Variants in MGAT3 observed in about 807,000 individuals in gnomAD.
MGAT3 encodes the protein GlcNAc-T III.
In MGAT3, 9 loss-of-function variants were observed where a neutral mutation model predicts 29.8. The ratio of observed to expected loss-of-function variants is 0.30; its 90% confidence interval spans 0.18 to 0.53. The LOEUF (loss-of-function observed/expected upper bound fraction) is 0.53. Ranked by LOEUF, MGAT3 falls within the 20% of genes least tolerant of loss-of-function variation. The pLI is 0.96. For missense variants in MGAT3, 557 were observed against 769.5 expected, an observed-to-expected ratio of 0.72 and a Z score of 3.27; for synonymous variants, 397 against 348.9, an observed-to-expected ratio of 1.14 and a Z score of -1.54.
At chr22:39,478,692 C>A (rs755408623) in intron 1 of MGAT3, among the ~76,000 whole-genome samples, 6 of 152,190 alleles carry the variant, frequency 3.9e-5, no homozygotes, top group Non-Finnish European at 7.4e-5. Flanking sequence ...ACCTGCCTGG[C>A]CAGCTCCCAC....
At chr22:39,470,118 G>A (rs570618844) in intron 1 of MGAT3, among the ~76,000 whole-genome samples, 1 of 152,346 alleles carries the variant, frequency 6.6e-6, no homozygotes, top group South Asian at 2.1e-4. Context: ...ACCGAGGCCT[G>A]TGGTGACCCT....
Position 39,488,459 on chromosome 22 carries a change from A to G in MGAT3, c.1112A>G (p.Gln371Arg). The change falls in exon 2 of 2, where the codon CAG (glutamine) becomes CGG (arginine). Residue 371 changes from glutamine (Q) to arginine (R), a missense_variant. Transcript: ENST00000341184. ...TCAGGCTGCACGGTGGACATGCTGC[A>G]GGCAGTGTATGGGCTGGACGGCATC... is the stretch of plus-strand genomic sequence containing the variant. ...VVSGCTVDML[Q>R]AVYGLDGIRL... 6.2e-7 allele frequency: 1 copy of G among 1,612,948 alleles called. No homozygotes were observed. The highest frequency in any genetic ancestry group is 8.5e-7 in the Non-Finnish European group (1 of 1,180,004).
chr22:39,463,406 G>A (rs1357148190), intron 1 of MGAT3, among the ~76,000 whole-genome samples: 1 of 152,114 alleles, frequency 6.6e-6, no homozygotes, highest in African/African-American at 2.4e-5. Context: ...TCCCAGCAGG[G>A]CCTGTTCCCT....
chr22:39,472,307 C>T (rs1438663842), intron 1 of MGAT3, among the ~76,000 whole-genome samples: 1 of 152,212 alleles, frequency 6.6e-6, no homozygotes, highest in Non-Finnish European at 1.5e-5. Flanking sequence ...GACCCCCGCC[C>T]TGTCCCTGCC....
chr22:39,490,698 C>T lies in MGAT3; in HGVS notation c.*1749C>T, dbSNP rs1601733323. On this transcript the variant is annotated 3_prime_UTR_variant, in exon 2 of 2. Transcript: ENST00000341184. Reference sequence around the variant, plus strand: ...TGCAGAGTTGGCCTGTGGAATGGCTCATGTTTGTGCGTGTGTGTGTGTATA... The same window carrying T: ...TGCAGAGTTGGCCTGTGGAATGGCTTATGTTTGTGCGTGTGTGTGTGTATA... The T allele has an allele frequency of 6.0e-6, 1 of 167,096 alleles. No individual in the cohort carries two copies. Among genetic ancestry groups the T allele is most frequent in the African/African-American group, 2.4e-5 (1 of 41,380 alleles). 10.4% of individuals were successfully genotyped at this position (167,096 alleles called of 1,614,324 possible). A position where few individuals can be genotyped will look rare whatever the true frequency, so the allele number is the denominator to read the frequency against.
At chr22:39,470,747 A>C (rs1045697525) in intron 1 of MGAT3, among the ~76,000 whole-genome samples, 3 of 151,802 alleles carry the variant, frequency 2.0e-5, no homozygotes, top group Admixed American at 1.3e-4. Flanking sequence ...CTGTGTCAAG[A>C]CTCTGGATGT....
rs184435681 is a variant in MGAT3, at chr22:39,472,262, C to T, written c.-2+14705C>T. 2.8e-4 allele frequency among the ~76,000 whole-genome samples: 43 copies of T among 152,288 alleles called. 1 individual carries two copies. In the East Asian group the frequency reaches 8.3e-3, roughly 29 times the overall value. ...CAAAAGGCTATGGACTCCTGAGCCC[C>T]CTTGCAGGAGAGGCAGTGTGGGTTC... On this transcript the variant is annotated intron_variant, in intron 1 of 1. Transcript: ENST00000341184.
intron 1 of MGAT3, among the ~76,000 whole-genome samples, chr22:39,467,519 G>A (rs1198794834): frequency 1.3e-5 from 2 of 152,164 alleles, no homozygotes; most frequent in Non-Finnish European, 2.9e-5. Context: ...GAAGGTAGGA[G>A]TGGGCAGGAG....
chr22:39,458,678 G>C (rs530983335), intron 1 of MGAT3, among the ~76,000 whole-genome samples: 1 of 152,310 alleles, frequency 6.6e-6, no homozygotes, highest in Admixed American at 6.5e-5. Flanking sequence ...AGAGGTTACT[G>C]GAAGAGATGA....
chr22:39,475,799 A>G (rs1928942111), intron 1 of MGAT3: 1 of 152,222 alleles, frequency 6.6e-6, no homozygotes, highest in South Asian at 2.1e-4. Context: ...GAACCACTAG[A>G]GCATGCAGCT....
chr22:39,478,313 G>T (rs1929027056), intron 1 of MGAT3, among the ~76,000 whole-genome samples: 2 of 152,228 alleles, frequency 1.3e-5, no homozygotes, highest in Admixed American at 1.3e-4. Flanking sequence ...GACATTACAG[G>T]GATGCCCTGA....
Position 39,485,256 on chromosome 22 carries a change from A to G in MGAT3, c.-1-2091A>G, listed in dbSNP as rs118090515. Reference sequence around the variant, plus strand: ...TCGCCTGCCCACCTGCCTAGACTCAAGGGTGAAATGAGCTGGATGGCTACG... The same window carrying G: ...TCGCCTGCCCACCTGCCTAGACTCAGGGGTGAAATGAGCTGGATGGCTACG... On this transcript the variant is annotated intron_variant, in intron 1 of 1. Coordinates refer to ENST00000341184, the MANE Select transcript of MGAT3 (RefSeq NM_002409.5). 4.6e-4 allele frequency among the ~76,000 whole-genome samples: 70 copies of G among 152,256 alleles called. No individual in the cohort carries two copies. In the East Asian group the frequency reaches 0.011, roughly 25 times the overall value.
intron 1 of MGAT3, among the ~76,000 whole-genome samples, chr22:39,468,746 T>C (rs2145714112): frequency 6.6e-6 from 1 of 152,060 alleles, no homozygotes; most frequent in South Asian, 2.1e-4. Flanking sequence ...TGTGTGGGGC[T>C]CAGTGCTTGA....
Position 39,487,280 on chromosome 22 carries a change from A to T in MGAT3, c.-1-67A>T. 1 of 1,513,130 alleles carries T rather than the reference A, an allele frequency of 6.6e-7. No homozygotes were observed. Among genetic ancestry groups the T allele is most frequent in the Non-Finnish European group, 8.9e-7 (1 of 1,124,290 alleles). The allele number at this position is 1,513,130 out of a possible 1,614,324, so 93.7% of individuals were successfully genotyped here. A position where few individuals can be genotyped will look rare whatever the true frequency, so the allele number is the denominator to read the frequency against. On this transcript the variant is annotated intron_variant, in intron 1 of 1. Transcript: ENST00000341184. This position sits in a 1 kb window ranked among gnomAD's most constrained non-coding sequence, Gnocchi z 5.7. ...AGCAAGGTGGCAGCAGAGGCCTCCTAGGTCCCCTTCCTAGGAAAGGAGCCT... is the reference window on the plus strand; with the variant it reads ...AGCAAGGTGGCAGCAGAGGCCTCCTTGGTCCCCTTCCTAGGAAAGGAGCCT...
Position 39,489,232 on chromosome 22 carries a change from G to A in MGAT3, c.*283G>A, listed in dbSNP as rs1055324683. On this transcript the variant is annotated 3_prime_UTR_variant, in exon 2 of 2. Coordinates refer to ENST00000341184, the MANE Select transcript of MGAT3 (RefSeq NM_002409.5). ...GCCAGGAGGTGCCACTGGAGTGTGC[G>A]TGGTGGTCCCTGGGTAGCGGGGGAG... is the stretch of plus-strand genomic sequence containing the variant. 1.5e-5 allele frequency: 8 copies of A among 520,478 alleles called. No individual in the cohort carries two copies. Among genetic ancestry groups the A allele is most frequent in the East Asian group, 3.3e-5 (1 of 29,908 alleles). The allele number at this position is 520,478 out of a possible 1,614,324, so 32.2% of individuals were successfully genotyped here.
At chr22:39,481,118 C>G (rs1929114067) in intron 1 of MGAT3, among the ~76,000 whole-genome samples, 1 of 152,244 alleles carries the variant, frequency 6.6e-6, no homozygotes, top group African/African-American at 2.4e-5. Flanking sequence ...TGGGTTTGTT[C>G]CCTGCCCCCC....
intron 1 of MGAT3, among the ~76,000 whole-genome samples, chr22:39,458,563 C>T (rs913277927): frequency 1.3e-5 from 2 of 152,134 alleles, no homozygotes; most frequent in African/African-American, 4.8e-5. Context: ...CCCCCACCCC[C>T]AGGAGCTGCA....
chr22:39,484,321 A>G (rs532504009), intron 1 of MGAT3, among the ~76,000 whole-genome samples: 19 of 152,306 alleles, frequency 1.2e-4, no homozygotes, highest in African/African-American at 4.6e-4. Flanking sequence ...CCCATTTCAC[A>G]GATGGAGAAA....
intron 1 of MGAT3, among the ~76,000 whole-genome samples, chr22:39,483,872 G>A (rs569241141): frequency 2.0e-5 from 3 of 152,330 alleles, no homozygotes; most frequent in East Asian, 3.9e-4. Flanking sequence ...CTACCTGCCC[G>A]CAGTCAGCTG....
Sources: allele counts gnomAD v4.1 joint callset (sites outside exome capture counted in the v4.1 genomes callset), GRCh38; gene constraint gnomAD v4.1.1; non-coding constraint Gnocchi (gnomAD v3.1); transcripts MANE v1.5; gene names NCBI Gene and HGNC (gene_info 2026-07-23, HGNC 2026-07-21).